Variants in ILRUN observed in about 807,000 individuals in gnomAD.
The protein encoded by ILRUN is inflammation and lipid regulator with UBA-like and NBR1-like domains, also known as protein ILRUN.
A neutral mutation model predicts 33.8 loss-of-function variants in ILRUN; 3 were observed. The observed-to-expected ratio is 0.09, with a 90% CI of 0.04 to 0.23. ILRUN has a LOEUF of 0.23. Among genes scored for constraint, ILRUN ranks in the 10% least tolerant of loss-of-function variants. The pLI, the probability that ILRUN is intolerant of heterozygous loss-of-function variation, is 1.00. For missense variants in ILRUN, 210 were observed against 375.1 expected (o/e 0.56, Z 3.64); for synonymous variants, 124 against 138.9 (o/e 0.89, Z 0.75).
intron 1 of ILRUN, among the ~76,000 whole-genome samples, chr6:34,682,225 G>A (rs1475702323): frequency 6.9e-6 from 1 of 145,886 alleles, no homozygotes; most frequent in Non-Finnish European, 1.5e-5. Flanking sequence ...AGTGCAATGG[G>A]GCAATCTCAG....
At chr6:34,624,384 T>C (rs1416783743) in intron 3 of ILRUN, among the ~76,000 whole-genome samples, 2 of 152,238 alleles carry the variant, frequency 1.3e-5, no homozygotes, top group Admixed American at 6.5e-5. Flanking sequence ...AGCACAATAG[T>C]GTGATGTCGG....
chr6:34,661,886 G>GA (rs1762892769), intron 1 of ILRUN, among the ~76,000 whole-genome samples: 1 of 152,204 alleles, frequency 6.6e-6, no homozygotes, highest in East Asian at 1.9e-4. Context: ...AGCACTTTGG[G>GA]AGGCCCAGGT....
intron 1 of ILRUN, among the ~76,000 whole-genome samples, chr6:34,683,471 TACACATATATATATACATATATATATAC>T (rs1763434749): frequency 1.8e-5 from 2 of 113,074 alleles, no homozygotes; most frequent in African/African-American, 7.5e-5. Context: ...TACATATATA[TACACATATATATATACATATATATATAC>T]ATATATATAT....
intron 1 of ILRUN, among the ~76,000 whole-genome samples, chr6:34,674,295 G>A (rs879285621): frequency 4.6e-5 from 7 of 152,190 alleles, no homozygotes; most frequent in Non-Finnish European, 8.8e-5. Context: ...CCAAAGTGCT[G>A]GGATTATAGG....
chr6:34,627,779 C>T (rs2127346427), intron 3 of ILRUN, among the ~76,000 whole-genome samples: 1 of 151,472 alleles, frequency 6.6e-6, no homozygotes, highest in East Asian at 1.9e-4. Context: ...TCTCGGCTCA[C>T]CACAACCTCC....
At chr6:34,694,754 C>T (rs1763722158) in intron 1 of ILRUN, among the ~76,000 whole-genome samples, 1 of 150,960 alleles carries the variant, frequency 6.6e-6, no homozygotes, top group Non-Finnish European at 1.5e-5. Context: ...AGATGATGCA[C>T]AGAAAAAAAA....
intron 3 of ILRUN, among the ~76,000 whole-genome samples, chr6:34,620,679 A>C (rs1314371349): frequency 6.6e-6 from 1 of 152,184 alleles, no homozygotes; most frequent in Non-Finnish European, 1.5e-5. Context: ...AAATTTAAAA[A>C]TTAGCTGGGC....
At chr6:34,653,011 G>A (rs9368827) in intron 2 of ILRUN, among the ~76,000 whole-genome samples, 3 of 151,386 alleles carry the variant, frequency 2.0e-5, no homozygotes, top group East Asian at 2.0e-4. Context: ...GGCATGGTGC[G>A]GTGGCTCACA....
chr6:34,691,330 T>C (rs1763645366), intron 1 of ILRUN, among the ~76,000 whole-genome samples: 1 of 152,236 alleles, frequency 6.6e-6, no homozygotes, highest in Non-Finnish European at 1.5e-5. Context: ...TGGTTTTAGA[T>C]ATTGGGTTTA....
chr6:34,597,385 A>G (rs1761423482), intron 4 of ILRUN, among the ~76,000 whole-genome samples: 2 of 152,228 alleles, frequency 1.3e-5, no homozygotes, highest in African/African-American at 4.8e-5. Context: ...GGAAGAACGA[A>G]CAGTAACAGT....
chr6:34,592,117 CAGA>C lies in ILRUN; in HGVS notation c.862-1520_862-1518del, dbSNP rs1388918790. Among the ~76,000 whole-genome samples the C allele has an allele frequency of 8.5e-5, 13 of 152,290 alleles. No individual in the cohort carries two copies. Among genetic ancestry groups the C allele is most frequent in the Non-Finnish European group, 1.9e-4 (13 of 68,022 alleles). ...TTTTCCATATAAAGCCTCCCAAAAC[CAGA>C]AGGACATCTCTAGCTGCTTGGTCGT... On this transcript the variant is annotated intron_variant, in intron 4 of 4. Transcript: ENST00000374023. This position sits in a 1 kb window ranked among gnomAD's most constrained non-coding sequence, Gnocchi z 4.0.
intron 4 of ILRUN, among the ~76,000 whole-genome samples, chr6:34,594,052 A>G (rs1357745253): frequency 2.6e-5 from 4 of 152,324 alleles, no homozygotes; most frequent in Admixed American, 2.0e-4. Flanking sequence ...GCCAACGACA[A>G]TCCCAGCCTA....
At chr6:34,617,764 C>A (rs566773999) in intron 3 of ILRUN, among the ~76,000 whole-genome samples, 9 of 152,248 alleles carry the variant, frequency 5.9e-5, no homozygotes, top group Admixed American at 5.2e-4. Flanking sequence ...AAACTTGTTC[C>A]TTAGTATTTA....
chr6:34,622,124 T>C (rs1181449348), intron 3 of ILRUN, among the ~76,000 whole-genome samples: 2 of 152,156 alleles, frequency 1.3e-5, no homozygotes. Flanking sequence ...CCTAACCATA[T>C]GAGCTAAAAC....
At chr6:34,603,739 G>A (rs1761567791) in intron 4 of ILRUN, among the ~76,000 whole-genome samples, 1 of 152,166 alleles carries the variant, frequency 6.6e-6, no homozygotes, top group Non-Finnish European at 1.5e-5. Flanking sequence ...TGACTGAACT[G>A]CTCTCTAATT....
intron 3 of ILRUN, among the ~76,000 whole-genome samples, chr6:34,607,771 G>A (rs1761664837): frequency 6.6e-6 from 1 of 152,152 alleles, no homozygotes; most frequent in Non-Finnish European, 1.5e-5. Flanking sequence ...GTAGGCAACT[G>A]TAATACAACA....
chr6:34,667,128 T>A (rs555641874), intron 1 of ILRUN, among the ~76,000 whole-genome samples: 1 of 152,362 alleles, frequency 6.6e-6, no homozygotes, highest in Admixed American at 6.5e-5. Context: ...TTATTCTGAT[T>A]CTTCCTTGAA....
chr6:34,659,678 G>A (rs1186789890), intron 1 of ILRUN, among the ~76,000 whole-genome samples: 1 of 135,792 alleles, frequency 7.4e-6, no homozygotes, highest in African/African-American at 2.9e-5. Flanking sequence ...CTGGAGTGCA[G>A]TGGTGCTATC....
At chr6:34,661,644 T>C (rs554218429) in intron 1 of ILRUN, among the ~76,000 whole-genome samples, 1 of 152,316 alleles carries the variant, frequency 6.6e-6, no homozygotes, top group South Asian at 2.1e-4. Context: ...AGTCTAGTTG[T>C]TCCTGAAGCA....
Sources: gnomAD v4.1 joint callset for allele counts (sites outside exome capture counted in the v4.1 genomes callset) on GRCh38, gnomAD v4.1.1 for gene constraint, Gnocchi (gnomAD v3.1) non-coding constraint, MANE v1.5 for transcripts, NCBI Gene and HGNC (gene_info 2026-07-23, HGNC 2026-07-21) for gene names.